The following RAPGEF2 variants were observed in gnomAD, a reference collection of about 807,000 sequenced individuals.
RAPGEF2 encodes the protein Rap guanine nucleotide exchange factor 2, also known as PDZ domain containing guanine nucleotide exchange factor (GEF) 1.
RAPGEF2 carries 54 observed loss-of-function variants against 186.7 expected under a neutral mutation model. That is an observed-to-expected ratio of 0.29 (90% CI 0.23 to 0.36). The LOEUF is 0.36. Ranked by LOEUF, RAPGEF2 falls within the 10% of genes least tolerant of loss-of-function variation. The pLI, the probability that RAPGEF2 is intolerant of heterozygous loss-of-function variation, is 1.00. For synonymous variants in RAPGEF2, 712 were observed against 705.9 expected (o/e 1.01, Z -0.14); for missense variants, 1,532 against 2,045.0 (o/e 0.75, Z 4.84).
chr4:159,137,513 G>A (rs967069976), intron 1 of RAPGEF2, among the ~76,000 whole-genome samples: 4 of 152,240 alleles, frequency 2.6e-5, no homozygotes, highest in African/African-American at 9.6e-5. Flanking sequence ...ACTATCACAT[G>A]AGATTAGGGC....
intron 4 of RAPGEF2, among the ~76,000 whole-genome samples, chr4:159,237,745 TC>T (rs1374217927): frequency 6.8e-6 from 1 of 147,328 alleles, no homozygotes; most frequent in Non-Finnish European, 1.5e-5. Context: ...ACATCTGTAA[TC>T]CCAGAACTTT....
At chr4:159,109,336 A>T (rs1216695030) in intron 1 of RAPGEF2, among the ~76,000 whole-genome samples, 1 of 152,096 alleles carries the variant, frequency 6.6e-6, no homozygotes, top group Non-Finnish European at 1.5e-5. Flanking sequence ...TATTTAAAAG[A>T]AAGGTAAATT....
At chr4:159,281,683 AAAAAAAAGAAAAG>A (rs1052202160) in intron 7 of RAPGEF2, among the ~76,000 whole-genome samples, 1 of 142,762 alleles carries the variant, frequency 7.0e-6, no homozygotes, top group African/African-American at 2.8e-5. Context: ...AAAAAAAAAA[AAAAAAAAGAAAAG>A]GAAAAGGAAA....
chr4:159,150,777 AC>A (rs1743454512), intron 1 of RAPGEF2, among the ~76,000 whole-genome samples: 2 of 152,216 alleles, frequency 1.3e-5, no homozygotes, highest in South Asian at 4.1e-4. Flanking sequence ...ATTCACGAAT[AC>A]GGAATCCTTG....
chr4:159,194,264 G>T (rs757638425), intron 3 of RAPGEF2, among the ~76,000 whole-genome samples: 1 of 152,194 alleles, frequency 6.6e-6, no homozygotes, highest in Non-Finnish European at 1.5e-5. Context: ...GTGGGTCAGG[G>T]TGGTAAGTCA....
intron 1 of RAPGEF2, among the ~76,000 whole-genome samples, chr4:159,146,580 A>G (rs1742987867): frequency 6.6e-6 from 1 of 152,194 alleles, no homozygotes; most frequent in African/African-American, 2.4e-5. Flanking sequence ...TGCTATTATC[A>G]TGTTACAGAT....
chr4:159,118,395 T>C (rs1195944648), intron 1 of RAPGEF2, among the ~76,000 whole-genome samples: 1 of 152,164 alleles, frequency 6.6e-6, no homozygotes, highest in Non-Finnish European at 1.5e-5. Flanking sequence ...GATTCTACAT[T>C]ACGGTGAGTT....
chr4:159,190,301 T>C (rs1419928438), intron 2 of RAPGEF2, among the ~76,000 whole-genome samples: 1 of 152,156 alleles, frequency 6.6e-6, no homozygotes, highest in Non-Finnish European at 1.5e-5. Context: ...CTGGAAGCTT[T>C]GTGGGGCCTT....
intron 17 of RAPGEF2, among the ~76,000 whole-genome samples, chr4:159,333,252 GC>G (rs1446626965): frequency 6.6e-6 from 1 of 152,018 alleles, no homozygotes; most frequent in Non-Finnish European, 1.5e-5. Context: ...TGCTGGGATT[GC>G]AGGTGTGAGC....
intron 17 of RAPGEF2, among the ~76,000 whole-genome samples, chr4:159,337,328 T>A (rs1767567201): frequency 6.6e-6 from 1 of 152,252 alleles, no homozygotes; most frequent in Non-Finnish European, 1.5e-5. Context: ...TCTCATTTTT[T>A]CTCTAAAACA....
At chr4:159,315,018 C>G (rs1561264996) in intron 9 of RAPGEF2, among the ~76,000 whole-genome samples, 5 of 146,990 alleles carry the variant, frequency 3.4e-5, no homozygotes, top group Admixed American at 6.9e-5. Context: ...TAAACCCTTT[C>G]TTAAGCTTAG....
At chr4:159,330,065 G>GT in intron 12 of RAPGEF2, 55 bp downstream of exon 12, 1 of 1,542,066 alleles carries the variant, frequency 6.5e-7, no homozygotes. Context: ...GGTAGTATTG[G>GT]TTGTGGCAGT....
intron 28 of RAPGEF2, 70 bp downstream of exon 28, chr4:159,354,116 A>G (rs576789565): frequency 5.8e-5 from 81 of 1,401,892 alleles, no homozygotes; most frequent in South Asian, 4.9e-4. Flanking sequence ...TACAATAGTA[A>G]AATTATGTGT....
At chr4:159,194,461 T>C (rs538222315) in intron 3 of RAPGEF2, among the ~76,000 whole-genome samples, 1 of 152,302 alleles carries the variant, frequency 6.6e-6, no homozygotes, top group East Asian at 1.9e-4. Flanking sequence ...ATACTCATTG[T>C]CCAACATGGC....
rs1231131501 is a variant in RAPGEF2 at position 159,343,130 on chromosome 4, C to T, written c.3070C>T (p.Gln1024Ter). ...TAATGTTCTCAATAGTCAAAATCTA[C>T]AACCTCCCATAATCCCTCTATTCCC... Reference protein sequence around the residue: ...YRNVLNSQNLQPPIIPLFPVI... With the variant: ...YRNVLNSQNL The change falls in exon 21 of 30, where the codon CAA becomes TAA. Residue 1024 changes from glutamine to a stop codon, truncating the protein, a stop_gained. Transcript: ENST00000691494. LOFTEE classifies it high-confidence loss of function. The T allele has an allele frequency of 1.2e-6, 2 of 1,614,076 alleles. No homozygotes were observed. Among genetic ancestry groups the T allele is most frequent in the South Asian group, 1.1e-5 (1 of 91,084 alleles).
At chr4:159,258,293 G>T (rs900721036) in intron 7 of RAPGEF2, among the ~76,000 whole-genome samples, 2 of 152,170 alleles carry the variant, frequency 1.3e-5, no homozygotes, top group Non-Finnish European at 2.9e-5. Context: ...AAGGAATATT[G>T]AATGCTGTTA....
At chr4:159,339,535 A>G (rs1767933712) in intron 19 of RAPGEF2, among the ~76,000 whole-genome samples, 181 bp downstream of exon 19, 1 of 151,994 alleles carries the variant, frequency 6.6e-6, no homozygotes, top group South Asian at 2.1e-4. Context: ...AAATGCACAC[A>G]GTCGACTACT....
rs748147960 is a variant in RAPGEF2 at position 159,193,191 on chromosome 4, C to T, written c.141-9C>T. The T allele has an allele frequency of 2.0e-6, 3 of 1,478,918 alleles. No individual in the cohort carries two copies. Among genetic ancestry groups the T allele is most frequent in the Admixed American group, 2.3e-5 (1 of 43,132 alleles). 91.6% of individuals were successfully genotyped at this position (1,478,918 alleles called of 1,614,324 possible). A position where few individuals can be genotyped will look rare whatever the true frequency, so the allele number is the denominator to read the frequency against. On this transcript the variant is annotated splice_polypyrimidine_tract_variant and intron_variant, in intron 2 of 29. Transcript: ENST00000691494. ...AGATGTTGAACTCATGTTTTTATCT[C>T]TTTTACAGGTTAATGTGTGAAACTG...
At chr4:159,175,687 T>TA (rs752834505) in intron 1 of RAPGEF2, among the ~76,000 whole-genome samples, 133 of 152,294 alleles carry the variant, frequency 8.7e-4, no homozygotes, top group Non-Finnish European at 1.5e-3. Flanking sequence ...TTTTGGGTTC[T>TA]AGGAAGGACG....
Sources: allele counts gnomAD v4.1 joint callset (sites outside exome capture counted in the v4.1 genomes callset), GRCh38; gene constraint gnomAD v4.1.1; transcripts MANE v1.5; gene names NCBI Gene and HGNC (gene_info 2026-07-23, HGNC 2026-07-21).